The following GRIK4 variants were observed in gnomAD, a reference collection of about 807,000 sequenced individuals.
The protein encoded by GRIK4 is glutamate receptor ionotropic, kainate 4.
Under a neutral mutation model 104.9 loss-of-function variants are expected in GRIK4, and 40 were observed. That is an observed-to-expected ratio of 0.38 (90% confidence interval 0.30 to 0.50). GRIK4 has a LOEUF of 0.50. GRIK4 is among the 20% of genes least tolerant of loss of function. GRIK4 has a pLI of 0.93. For missense variants in GRIK4, 1,047 were observed against 1,308.1 expected, an observed-to-expected ratio of 0.80 and a Z score of 3.08; for synonymous variants, 485 against 524.9, an observed-to-expected ratio of 0.92 and a Z score of 1.04.
intron 14 of GRIK4, among the ~76,000 whole-genome samples, chr11:120,947,849 ACCACTC>A (rs1943900011): frequency 6.6e-6 from 1 of 152,184 alleles, no homozygotes; most frequent in African/African-American, 2.4e-5. Flanking sequence ...GCCTAGCACC[ACCACTC>A]AGCAAGTCCA....
chr11:120,951,329 C>T (rs932433680), intron 14 of GRIK4, among the ~76,000 whole-genome samples: 1 of 152,230 alleles, frequency 6.6e-6, no homozygotes, highest in Non-Finnish European at 1.5e-5. Context: ...CAGATGCAGC[C>T]GTGGAAATAG....
chr11:120,703,256 A>G (rs1950580720), intron 3 of GRIK4, among the ~76,000 whole-genome samples: 1 of 152,168 alleles, frequency 6.6e-6, no homozygotes, highest in Admixed American at 6.5e-5. Flanking sequence ...GAACAATTCT[A>G]AGTGGTCATA....
chr11:120,877,787 C>T (rs1954859352), intron 11 of GRIK4, among the ~76,000 whole-genome samples: 1 of 152,178 alleles, frequency 6.6e-6, no homozygotes, highest in African/African-American at 2.4e-5. Flanking sequence ...GTTAGGAGAA[C>T]ATGATGCTCA....
At chr11:120,553,944 G>A (rs2136097373) in intron 1 of GRIK4, among the ~76,000 whole-genome samples, 1 of 152,306 alleles carries the variant, frequency 6.6e-6, no homozygotes, top group East Asian at 1.9e-4. Context: ...GAAGCCTCCT[G>A]AGACTTGGCA....
rs1396856494 is a variant in GRIK4 at position 120,962,472 on chromosome 11, C to G, written c.2057C>G (p.Thr686Ser). The change falls in exon 18 of 21, where the codon ACC (threonine) becomes AGC (serine). Residue 686 changes from threonine to serine, a missense_variant. Thr to Ser is a moderately conservative substitution (Grantham distance 58). Coordinates refer to ENST00000527524, the MANE Select transcript of GRIK4 (RefSeq NM_014619.5). ...TTTTCCCAGAATTCCCGCTACCAGACCTACCAACGCATGTGGAATTACATG... is the reference window on the plus strand; with the variant it reads ...TTTTCCCAGAATTCCCGCTACCAGAGCTACCAACGCATGTGGAATTACATG... ...MTFFQNSRYQ[T>S]YQRMWNYMYS... 1 of 1,612,676 alleles carries G rather than the reference C, an allele frequency of 6.2e-7. No individual in the cohort carries two copies. Among genetic ancestry groups the G allele is most frequent in the Admixed American group, 1.7e-5 (1 of 59,994 alleles).
chr11:120,805,286 T>G (rs146027041), intron 4 of GRIK4, among the ~76,000 whole-genome samples: 7 of 152,260 alleles, frequency 4.6e-5, no homozygotes, highest in African/African-American at 1.7e-4. Flanking sequence ...GTCCATACTT[T>G]GAAAAGCCAG....
intron 3 of GRIK4, among the ~76,000 whole-genome samples, chr11:120,664,807 A>T (rs1215602701): frequency 6.6e-6 from 1 of 152,164 alleles, no homozygotes; most frequent in African/African-American, 2.4e-5. Context: ...TAGTTGAGAG[A>T]TGAGGAAACT....
intron 3 of GRIK4, among the ~76,000 whole-genome samples, chr11:120,785,811 C>T (rs1952257713): frequency 6.6e-6 from 1 of 152,210 alleles, no homozygotes; most frequent in Non-Finnish European, 1.5e-5. Flanking sequence ...TCCGCGTCTC[C>T]ATGCGCATCC....
intron 3 of GRIK4, among the ~76,000 whole-genome samples, chr11:120,673,449 C>T (rs1250672975): frequency 6.6e-6 from 1 of 152,192 alleles, no homozygotes; most frequent in Admixed American, 6.5e-5. Context: ...TGTCTGATCC[C>T]TGCAGCCAAA....
intron 8 of GRIK4, among the ~76,000 whole-genome samples, chr11:120,860,369 AGAG>A (rs1440845696): frequency 6.6e-6 from 1 of 152,190 alleles, no homozygotes; most frequent in Non-Finnish European, 1.5e-5. Context: ...CTCAGAGCTC[AGAG>A]GAGGACACTG....
At chr11:120,552,826 C>G (rs1376763093) in intron 1 of GRIK4, among the ~76,000 whole-genome samples, 2 of 151,978 alleles carry the variant, frequency 1.3e-5, no homozygotes, top group Non-Finnish European at 1.5e-5. Flanking sequence ...ATGGTGAAAC[C>G]CTGTCTCTAC....
In GRIK4 at chr11:120,901,981, GC is replaced by G. The variant is rs1458057899; in HGVS notation, c.1273-3308del. Among the ~76,000 whole-genome samples the G allele has an allele frequency of 2.0e-5, 3 of 152,158 alleles. No homozygotes were observed. In the East Asian group the frequency reaches 5.8e-4, roughly 29 times the overall value. On this transcript the variant is annotated intron_variant, in intron 12 of 20. Transcript: ENST00000527524. ...CTATTAGCCTTGGTTCTTTTCTTGC[GC>G]GTGTGTGCCTACAGTGGCTGATCCA...
At chr11:120,730,632 C>G (rs1223177591) in intron 3 of GRIK4, among the ~76,000 whole-genome samples, 1 of 152,030 alleles carries the variant, frequency 6.6e-6, no homozygotes, top group Admixed American at 6.6e-5. Context: ...AGAGATTGCA[C>G]TGCATCTGTA....
At chr11:120,787,533 C>T (rs184642775) in intron 3 of GRIK4, among the ~76,000 whole-genome samples, 58 of 151,692 alleles carry the variant, frequency 3.8e-4, no homozygotes, top group African/African-American at 1.3e-3. Flanking sequence ...GGCACGATCT[C>T]GGCTCGCTGC....
rs761775637 is a variant in GRIK4 at position 120,903,818 on chromosome 11, G to T, written c.1273-1472G>T. Reference sequence around the variant, plus strand: ...AACAGCCCTCACTCCTGTGGCACTCGCTCAGTCCTCATCCTACGGAGTCCT... The same window carrying T: ...AACAGCCCTCACTCCTGTGGCACTCTCTCAGTCCTCATCCTACGGAGTCCT... On this transcript the variant is annotated intron_variant, in intron 12 of 20. Transcript: ENST00000527524. The surrounding 1 kb of genome is among the most constrained non-coding windows in gnomAD (Gnocchi z 4.4). Among the ~76,000 whole-genome samples the T allele has an allele frequency of 6.6e-6, 1 of 152,072 alleles. No individual in the cohort carries two copies. Among genetic ancestry groups the T allele is most frequent in the South Asian group, 2.1e-4 (1 of 4,812 alleles).
chr11:120,563,365 T>C (rs1948265176), intron 1 of GRIK4, among the ~76,000 whole-genome samples: 1 of 151,928 alleles, frequency 6.6e-6, no homozygotes, highest in African/African-American at 2.4e-5. Flanking sequence ...GAGAACAACT[T>C]CTGGGGCCTG....
intron 1 of GRIK4, among the ~76,000 whole-genome samples, chr11:120,582,639 T>C (rs1351352203): frequency 1.3e-5 from 2 of 152,186 alleles, no homozygotes; most frequent in Admixed American, 1.3e-4. Context: ...TTAGTTTGCT[T>C]AGAATAATGG....
chr11:120,830,435 C>T (rs751759952), intron 6 of GRIK4, among the ~76,000 whole-genome samples: 2 of 152,130 alleles, frequency 1.3e-5, no homozygotes, highest in South Asian at 2.1e-4. Flanking sequence ...ATCTGCAATG[C>T]GAGGAGGTGG....
intron 1 of GRIK4, among the ~76,000 whole-genome samples, chr11:120,512,771 T>C (rs1269411814): frequency 6.6e-6 from 1 of 152,120 alleles, no homozygotes; most frequent in African/African-American, 2.4e-5. Flanking sequence ...TTCAAGGCAC[T>C]GAGAGCACCT....
Sources: gnomAD v4.1 joint callset for allele counts (sites outside exome capture counted in the v4.1 genomes callset) on GRCh38, gnomAD v4.1.1 for gene constraint, Gnocchi (gnomAD v3.1) non-coding constraint, MANE v1.5 for transcripts, NCBI Gene and HGNC (gene_info 2026-07-23, HGNC 2026-07-21) for gene names.